SIDT1: variants seen among roughly 807,000 people sequenced by gnomAD.
SIDT1 encodes SID1 transmembrane family member 1.
Under a neutral mutation model 107.5 loss-of-function variants are expected in SIDT1, and 101 were observed. The ratio of observed to expected loss-of-function variants is 0.94; its 90% CI spans 0.80 to 1.11. SIDT1 has a LOEUF of 1.11. Among genes scored for constraint, SIDT1 ranks in the 50% least tolerant of loss-of-function variants. SIDT1 has a pLI of 0.00. For missense variants in SIDT1, 1,076 were observed against 1,058.2 expected, an observed-to-expected ratio of 1.02 and a Z score of -0.23; for synonymous variants, 395 against 398.2, an observed-to-expected ratio of 0.99 and a Z score of 0.10.
At chr3:113,560,826 CT>C (rs1941363765) in intron 1 of SIDT1, among the ~76,000 whole-genome samples, 1 of 151,740 alleles carries the variant, frequency 6.6e-6, no homozygotes, top group African/African-American at 2.4e-5. Context: ...AAATATATTC[CT>C]TATAATTTTG....
chr3:113,625,980 T>C (rs549064579), intron 23 of SIDT1, 122 bp from the exon 24 acceptor site: 1 of 721,478 alleles, frequency 1.4e-6, no homozygotes, highest in African/African-American at 1.8e-5. Context: ...ATGGATGTTT[T>C]CTTGGAAGCT....
intron 20 of SIDT1, 95 bp downstream of exon 20, chr3:113,616,271 A>G (rs1946097829): frequency 1.0e-6 from 1 of 955,260 alleles, no homozygotes; most frequent in Non-Finnish European, 1.7e-6. Flanking sequence ...GGCTCCTAAA[A>G]TCAAGAAGGC....
At chr3:113,576,832 T>C (rs1001080612) in intron 3 of SIDT1, 90 bp from the exon 4 acceptor site, 1 of 1,376,510 alleles carries the variant, frequency 7.3e-7, no homozygotes, top group African/African-American at 1.4e-5. Flanking sequence ...TACTTTAAGA[T>C]GGCTTTCTTT....
At chr3:113,544,384 G>A (rs1475173117) in intron 1 of SIDT1, among the ~76,000 whole-genome samples, 4 of 152,058 alleles carry the variant, frequency 2.6e-5, no homozygotes, top group African/African-American at 4.8e-5. Context: ...AGAGACTGGG[G>A]TTTCACCATA....
Position 113,627,660 on chromosome 3 carries a change from G to C in SIDT1, c.2436G>C (p.Leu812Phe), listed in dbSNP as rs774089358. Residue 812 changes from leucine to phenylalanine, a missense_variant, in exon 25 of 25, where the codon TTG becomes TTC. By Grantham distance (22) the Leu-to-Phe change is conservative. Transcript: ENST00000264852. ...TCTCACTTCAGGTTTTGTTAACTTT[G>C]GATGATGACCTTGATGTGGTTCGGA... ...LFFSFLVLLT[L>F]DDDLDVVRRD... The C allele has an allele frequency of 6.2e-7, 1 of 1,614,010 alleles. No individual in the cohort carries two copies. The highest frequency in any genetic ancestry group is 8.5e-7 in the Non-Finnish European group (1 of 1,180,022).
At chr3:113,559,782 T>C (rs779462294) in intron 1 of SIDT1, among the ~76,000 whole-genome samples, 6 of 152,142 alleles carry the variant, frequency 3.9e-5, no homozygotes, top group Non-Finnish European at 7.4e-5. Flanking sequence ...ACTTTTTCCA[T>C]TGGTGGTGGT....
chr3:113,633,187 G>T (rs571552381), downstream of SIDT1, among the ~76,000 whole-genome samples: 3 of 152,172 alleles, frequency 2.0e-5, no homozygotes, highest in South Asian at 6.2e-4. Context: ...TCTGTCTATG[G>T]TTCCCAGTTC....
chr3:113,626,304 A>G lies in SIDT1; in HGVS notation c.2421+89A>G, dbSNP rs1426255846. 7.4e-6 allele frequency: 6 copies of G among 810,148 alleles called. No individual in the cohort carries two copies. In the East Asian group the frequency reaches 1.5e-4, roughly 21 times the overall value. 50.2% of individuals were successfully genotyped at this position (810,148 alleles called of 1,614,324 possible). ...TCTGCTCTTCCTTACTTTTTTTTATATTCCTCTCTAATTTTACTTTCCATT... is the reference window on the plus strand; with the variant it reads ...TCTGCTCTTCCTTACTTTTTTTTATGTTCCTCTCTAATTTTACTTTCCATT... On this transcript the variant is annotated intron_variant, in intron 24 of 24. Transcript: ENST00000264852.
Position 113,566,517 on chromosome 3 carries a change from AGGTT to A in SIDT1, c.321_324del (p.Gln107HisfsTer18). ...CAGCAGAAAGAGGTGCTGTCCTGGCAGGTTCCTCTGCTCTTCCAAGGACTGTAAG... is the reference window on the plus strand; with the variant it reads ...CAGCAGAAAGAGGTGCTGTCCTGGCACCTCTGCTCTTCCAAGGACTGTAAG... On this transcript the variant is annotated frameshift_variant, in exon 2 of 25. Transcript: ENST00000264852. LOFTEE classifies it high-confidence loss of function. 6.2e-7 allele frequency: 1 copy of A among 1,614,184 alleles called. No individual in the cohort carries two copies. Among genetic ancestry groups the A allele is most frequent in the Non-Finnish European group, 8.5e-7 (1 of 1,179,998 alleles).
chr3:113,630,255 G>A (rs1384081799), downstream of SIDT1, among the ~76,000 whole-genome samples: 1 of 152,208 alleles, frequency 6.6e-6, no homozygotes, highest in Non-Finnish European at 1.5e-5. Flanking sequence ...AGGTGTAGCA[G>A]CCAGAGAAGC....
intron 10 of SIDT1, among the ~76,000 whole-genome samples, chr3:113,593,354 T>C (rs1415223145): frequency 6.6e-6 from 1 of 152,126 alleles, no homozygotes; most frequent in Admixed American, 6.5e-5. Context: ...TCCGCTCAGA[T>C]CAGTGGCAGC....
At chr3:113,617,311 A>T (rs988346493) in intron 20 of SIDT1, among the ~76,000 whole-genome samples, 2 of 152,200 alleles carry the variant, frequency 1.3e-5, no homozygotes, top group African/African-American at 2.4e-5. Context: ...AACATACTTC[A>T]GTGTATTATA....
At position 113,608,182 on chromosome 3, in the gene SIDT1, C is replaced by T. The variant is rs146992283; in HGVS notation, c.1567C>T (p.Arg523Trp). 5.2e-5 allele frequency: 83 copies of T among 1,608,814 alleles called. No individual in the cohort carries two copies. Among genetic ancestry groups the T allele is most frequent in the Admixed American group, 2.2e-4 (13 of 59,060 alleles). Residue 523 changes from arginine to tryptophan, a missense_variant, in exon 16 of 25, where the codon CGG becomes TGG. Transcript: ENST00000264852. ...LIVLRRDILH[R>W]RALEAKDIFA... ...AGTCTTGCGCCGCGACATCCTCCAT[C>T]GGAGAGCCCTGGAAGCCAAGGACAT...
intron 1 of SIDT1, among the ~76,000 whole-genome samples, chr3:113,535,402 A>T (rs6776729): frequency 0.13 from 20,226 of 152,240 alleles, 1,854 homozygotes; most frequent in African/African-American, 0.26. Flanking sequence ...TACTGTTTTC[A>T]ATTCAATAGT....
intron 2 of SIDT1, among the ~76,000 whole-genome samples, chr3:113,567,125 A>G (rs1941992000): frequency 6.6e-6 from 1 of 152,204 alleles, no homozygotes; most frequent in South Asian, 2.1e-4. Context: ...GGACTGAAAT[A>G]CTAACTCTGT....
At chr3:113,576,404 A>G (rs1483988144) in intron 3 of SIDT1, among the ~76,000 whole-genome samples, 1 of 152,168 alleles carries the variant, frequency 6.6e-6, no homozygotes, top group South Asian at 2.1e-4. Context: ...AGGGGATAGT[A>G]AGGGCCTGCT....
intron 10 of SIDT1, 152 bp downstream of exon 10, chr3:113,593,200 A>G (rs1944300689): frequency 2.7e-6 from 2 of 732,062 alleles, no homozygotes; most frequent in Admixed American, 2.0e-5. Flanking sequence ...GTTGGAAAGC[A>G]AAGCTAGTGA....
intron 6 of SIDT1, among the ~76,000 whole-genome samples, chr3:113,582,714 C>T (rs1192044060): frequency 5.9e-5 from 9 of 151,918 alleles, no homozygotes; most frequent in East Asian, 3.9e-4. Context: ...CCAGCCTGGG[C>T]GACATGAGCG....
At chr3:113,588,079 T>A (rs1469718857) in intron 9 of SIDT1, among the ~76,000 whole-genome samples, 1 of 152,220 alleles carries the variant, frequency 6.6e-6, no homozygotes, top group Non-Finnish European at 1.5e-5. Flanking sequence ...AGTTAGCTAG[T>A]ATAGTTAACA....
Sources: gnomAD v4.1 joint callset for allele counts (sites outside exome capture counted in the v4.1 genomes callset) on GRCh38, gnomAD v4.1.1 for gene constraint, MANE v1.5 for transcripts, NCBI Gene and HGNC (gene_info 2026-07-23, HGNC 2026-07-21) for gene names.